USP7: variants seen among roughly 807,000 people sequenced by gnomAD.
USP7 encodes ubiquitin specific peptidase 7.
Under a neutral mutation model 162.9 loss-of-function variants are expected in USP7, and 9 were observed. The ratio of observed to expected loss-of-function variants is 0.06; its 90% confidence interval spans 0.03 to 0.10. The LOEUF is 0.10. Among genes scored for constraint, USP7 ranks in the 10% least tolerant of loss-of-function variants. USP7 has a pLI of 1.00. For missense variants in USP7, 715 were observed against 1,373.7 expected (o/e 0.52, Z 7.58); for synonymous variants, 562 against 475.9 (o/e 1.18, Z -2.35).
At chr16:8,920,542 T>C in intron 4 of USP7, 95 bp from the exon 5 acceptor site, 1 of 1,004,932 alleles carries the variant, frequency 1.0e-6, no homozygotes, top group Non-Finnish European at 1.4e-6. Context: ...TTAATAGAGA[T>C]GAAAATACTT....
intron 1 of USP7, among the ~76,000 whole-genome samples, chr16:8,939,000 A>G (rs1224831453): frequency 6.6e-6 from 1 of 152,062 alleles, no homozygotes; most frequent in Non-Finnish European, 1.5e-5. Flanking sequence ...ACAGGGAGAG[A>G]TCCCATACCC....
chr16:8,928,090 T>C (rs1012291027), intron 2 of USP7, among the ~76,000 whole-genome samples: 2 of 152,244 alleles, frequency 1.3e-5, no homozygotes, highest in East Asian at 3.8e-4. Flanking sequence ...TTCTGATACT[T>C]GCCCGAAATT....
Position 8,892,844 on chromosome 16 carries a change from G to C in USP7, c.*1154C>G, listed in dbSNP as rs572284667. ...AAAAAGGCAATATACAGGAAGAGTT[G>C]GTGTACACTGCTCCCACAGAAACAA... On this transcript the variant is annotated 3_prime_UTR_variant, in exon 31 of 31. Coordinates refer to ENST00000344836, the MANE Select transcript of USP7 (RefSeq NM_003470.3). 7 of 152,144 alleles carry C rather than the reference G, an allele frequency of 4.6e-5. No individual in the cohort carries two copies. Among genetic ancestry groups the C allele is most frequent in the Non-Finnish European group, 1.5e-5 (1 of 68,004 alleles). 9.4% of individuals were successfully genotyped at this position (152,144 alleles called of 1,614,324 possible). A position where few individuals can be genotyped will look rare whatever the true frequency, so the allele number is the denominator to read the frequency against.
At chr16:8,905,118 T>G in intron 14 of USP7, 69 bp downstream of exon 14, 3 of 1,547,476 alleles carry the variant, frequency 1.9e-6, no homozygotes, top group Non-Finnish European at 2.7e-6. Context: ...AAAAGGATAT[T>G]GGAGATTCAT....
chr16:8,924,043 G>C lies in USP7; in HGVS notation c.185-630C>G, dbSNP rs370405165. 1.1e-4 allele frequency among the ~76,000 whole-genome samples: 16 copies of C among 152,206 alleles called. No individual in the cohort carries two copies. In the South Asian group the frequency reaches 3.3e-3, roughly 32 times the overall value. On this transcript the variant is annotated intron_variant, in intron 2 of 30. Coordinates refer to ENST00000344836, the MANE Select transcript of USP7 (RefSeq NM_003470.3). ...AGAACTGGTATTTTTTCCCACATGA[G>C]TAGTATAAATTGTTAAATGATAACA... is the stretch of plus-strand genomic sequence containing the variant.
intron 1 of USP7, among the ~76,000 whole-genome samples, chr16:8,955,704 CAAAAAAAAAAAAA>C (rs58029349): frequency 9.9e-6 from 1 of 100,974 alleles, no homozygotes; most frequent in Non-Finnish European, 1.9e-5. Context: ...GATTCCATCT[CAAAAAAAAAAAAA>C]AAAAAAAAAC....
In USP7 at chr16:8,910,843, G is replaced by A. The variant is rs141461904; in HGVS notation, c.1079-16C>T. 8.7e-6 allele frequency: 14 copies of A among 1,607,672 alleles called. No individual in the cohort carries two copies. Among genetic ancestry groups the A allele is most frequent in the Non-Finnish European group, 1.2e-5 (14 of 1,175,140 alleles). On this transcript the variant is annotated splice_polypyrimidine_tract_variant and intron_variant, in intron 10 of 30. Coordinates refer to ENST00000344836, the MANE Select transcript of USP7 (RefSeq NM_003470.3). ...GATTCAAATACTTTAAAGAGAGAGAGAGAAAAGTCAAGTGCTAAAGCTTCA... is the reference window on the plus strand; with the variant it reads ...GATTCAAATACTTTAAAGAGAGAGAAAGAAAAGTCAAGTGCTAAAGCTTCA...
chr16:8,910,524 C>T (rs918910489), intron 11 of USP7, among the ~76,000 whole-genome samples: 3 of 152,144 alleles, frequency 2.0e-5, no homozygotes, highest in African/African-American at 7.2e-5. Context: ...CAAGACCCTC[C>T]GGACTGCTGG....
chr16:8,897,019 C>T lies in USP7; in HGVS notation c.2799G>A (p.Glu933=). ...CTTGCCTAAGTTTCCCTGATGCTTT[C>T]TCCCCAAGCTCCACGGCCTTTTTAC... ...EECKKAVELG[E]KASGKLRLLE... The change falls in exon 26 of 31, where the codon GAG becomes GAA. Residue 933 remains glutamate, a synonymous_variant. Coordinates refer to ENST00000344836, the MANE Select transcript of USP7 (RefSeq NM_003470.3). 6.2e-7 allele frequency: 1 copy of T among 1,614,112 alleles called. No individual in the cohort carries two copies. The highest frequency in any genetic ancestry group is 1.1e-5 in the South Asian group (1 of 91,084).
At position 8,904,467 on chromosome 16, in the gene USP7, G is replaced by T; in HGVS notation, c.1672C>A (p.Arg558=). The change falls in exon 15 of 31, where the codon CGG becomes AGG. Residue 558 remains arginine, a synonymous_variant. Transcript: ENST00000344836. Reference sequence around the variant, plus strand: ...TGCATATAGAGATGGGCTTCCTGCCGCTCCTTCCGCTTCTGAGCCTCGATC... The same window carrying T: ...TGCATATAGAGATGGGCTTCCTGCCTCTCCTTCCGCTTCTGAGCCTCGATC... The part of the protein sequence containing the change: ...KRIEAQKRKE[R]QEAHLYMQVQ... 1.9e-6 allele frequency: 3 copies of T among 1,614,032 alleles called. No homozygotes were observed. Among genetic ancestry groups the T allele is most frequent in the Non-Finnish European group, 2.5e-6 (3 of 1,180,016 alleles).
At chr16:8,894,889 A>G in intron 28 of USP7, 34 bp from the exon 29 acceptor site, 1 of 1,613,994 alleles carries the variant, frequency 6.2e-7, no homozygotes, top group Non-Finnish European at 8.5e-7. Context: ...TCACACAGTC[A>G]CTCCCAGCAC....
chr16:8,893,171 A>G lies in USP7; in HGVS notation c.*827T>C, dbSNP rs2061626581. The stretch of plus-strand genomic sequence containing the variant: ...CAAAGTCGACAGCTTACTAACCACT[A>G]GTGAGCATGCCCTCTTGCTAAAAGG... On this transcript the variant is annotated 3_prime_UTR_variant, in exon 31 of 31. Coordinates refer to ENST00000344836, the MANE Select transcript of USP7 (RefSeq NM_003470.3). 6.6e-6 allele frequency: 1 copy of G among 152,116 alleles called. No homozygotes were observed. The highest frequency in any genetic ancestry group is 1.5e-5 in the Non-Finnish European group (1 of 68,018). The allele number at this position is 152,116 out of a possible 1,614,324, so 9.4% of individuals were successfully genotyped here.
intron 25 of USP7, 80 bp downstream of exon 25, chr16:8,898,280 G>A: frequency 8.2e-7 from 1 of 1,217,586 alleles, no homozygotes; most frequent in Non-Finnish European, 1.2e-6. Flanking sequence ...TGGTGTCTTA[G>A]TTTTCAATGT....
intron 1 of USP7, among the ~76,000 whole-genome samples, chr16:8,934,405 A>G (rs944119663): frequency 9.9e-5 from 15 of 152,236 alleles, no homozygotes; most frequent in African/African-American, 3.6e-4. Flanking sequence ...ATTGTCTCCA[A>G]AAGTTACAGC....
intron 1 of USP7, among the ~76,000 whole-genome samples, chr16:8,941,601 C>G (rs1431075104): frequency 6.6e-6 from 1 of 152,224 alleles, no homozygotes; most frequent in Non-Finnish European, 1.5e-5. Flanking sequence ...ATAAGTTAGT[C>G]TGCCAATTCG....
chr16:8,923,440 C>T (rs965360336), intron 2 of USP7, 27 bp from the exon 3 acceptor site: 3 of 1,612,184 alleles, frequency 1.9e-6, no homozygotes, highest in Non-Finnish European at 2.5e-6. Context: ...TCATCAGTCA[C>T]AGAGCCTGTG....
intron 11 of USP7, among the ~76,000 whole-genome samples, chr16:8,909,287 T>C (rs968651771): frequency 4.6e-5 from 7 of 152,206 alleles, no homozygotes; most frequent in African/African-American, 1.7e-4. Context: ...ACCTTCCTTC[T>C]GGCTGGAAAT....
intron 10 of USP7, among the ~76,000 whole-genome samples, chr16:8,912,270 G>A (rs183594323): frequency 1.8e-3 from 278 of 152,024 alleles, no homozygotes; most frequent in Non-Finnish European, 2.8e-3. Context: ...TGGCCAACAT[G>A]GTGAAACCCC....
chr16:8,896,978 T>A (rs759965148), intron 26 of USP7, 21 bp downstream of exon 26: 1 of 1,592,950 alleles, frequency 6.3e-7, no homozygotes, highest in Admixed American at 1.7e-5. Context: ...ACGTCCACAA[T>A]TGGGCTCAAG....
Sources: gnomAD v4.1 joint callset for allele counts (sites outside exome capture counted in the v4.1 genomes callset) on GRCh38, gnomAD v4.1.1 for gene constraint, MANE v1.5 for transcripts, NCBI Gene and HGNC (gene_info 2026-07-23, HGNC 2026-07-21) for gene names.